The following PLD5 variants were observed in gnomAD, a reference collection of about 807,000 sequenced individuals.
PLD5 encodes inactive phospholipase D5.
PLD5 carries 36 observed loss-of-function variants against 61.1 expected under a neutral mutation model. The ratio of observed to expected loss-of-function variants is 0.59; its 90% confidence interval spans 0.45 to 0.78. The LOEUF (loss-of-function observed/expected upper bound fraction) is 0.78. Ranked by LOEUF, PLD5 falls within the 30% of genes least tolerant of loss-of-function variation. The pLI is 0.00. For missense variants in PLD5, 515 were observed against 644.4 expected (o/e 0.80, Z 2.17); for synonymous variants, 243 against 242.8 (o/e 1.00, Z -0.01).
intron 1 of PLD5, among the ~76,000 whole-genome samples, chr1:242,491,226 C>A (rs1668139984): frequency 6.6e-6 from 1 of 152,164 alleles, no homozygotes; most frequent in Non-Finnish European, 1.5e-5. Context: ...CCTTTCGAGT[C>A]CACATTCACT....
rs546597377 is a variant in PLD5, at chr1:242,256,465, G to A, written c.607+8872C>T. On this transcript the variant is annotated intron_variant, in intron 4 of 9. Transcript: ENST00000536534. The surrounding 1 kb of genome is among the most constrained non-coding windows in gnomAD (Gnocchi z 5.7). ...GGTCTTTGGAAAGTGACTGAGTCACGAATGTATTGGTGTCTTGTAGCGGGG... is the reference window on the plus strand; with the variant it reads ...GGTCTTTGGAAAGTGACTGAGTCACAAATGTATTGGTGTCTTGTAGCGGGG... 1.6e-4 allele frequency among the ~76,000 whole-genome samples: 25 copies of A among 152,320 alleles called. 1 individual carries two copies. Among genetic ancestry groups the A allele is most frequent in the Middle Eastern group, 3.4e-3 (1 of 294 alleles).
At chr1:242,230,442 TTTATC>T in intron 4 of PLD5, among the ~76,000 whole-genome samples, 1 of 152,306 alleles carries the variant, frequency 6.6e-6, no homozygotes, top group Non-Finnish European at 1.5e-5. Flanking sequence ...GCAGCAGAAA[TTTATC>T]TTATCCATCA....
intron 1 of PLD5, among the ~76,000 whole-genome samples, chr1:242,405,328 CTG>C (rs1168335230): frequency 6.6e-6 from 1 of 152,144 alleles, no homozygotes; most frequent in Non-Finnish European, 1.5e-5. Context: ...TTGGCAATGT[CTG>C]AGGCATTTCT....
intron 2 of PLD5, among the ~76,000 whole-genome samples, chr1:242,311,941 AAATG>A (rs1676721178): frequency 3.3e-5 from 5 of 151,142 alleles, no homozygotes; most frequent in Non-Finnish European, 7.4e-5. Context: ...CAATGATTTT[AAATG>A]ACCTTTTTCA....
chr1:242,107,883 T>C (rs1285427389), intron 7 of PLD5, 44 bp from the exon 8 acceptor site: 3 of 1,519,082 alleles, frequency 2.0e-6, no homozygotes, highest in South Asian at 2.6e-5. Flanking sequence ...CTAAGTTAGT[T>C]TGGGAAAAGA....
At chr1:242,139,250 T>A (rs908908312) in intron 5 of PLD5, among the ~76,000 whole-genome samples, 4 of 152,168 alleles carry the variant, frequency 2.6e-5, no homozygotes, top group African/African-American at 9.7e-5. Context: ...TGTTTTCAGT[T>A]AGGTTTTTTT....
At chr1:242,197,886 G>C (rs188876964) in intron 5 of PLD5, among the ~76,000 whole-genome samples, 1 of 151,826 alleles carries the variant, frequency 6.6e-6, no homozygotes, top group Non-Finnish European at 1.5e-5. Context: ...TGCCCACCTC[G>C]GTCTCCCAAA....
At chr1:242,356,497 A>AG (rs1238030114) in intron 1 of PLD5, among the ~76,000 whole-genome samples, 2 of 151,912 alleles carry the variant, frequency 1.3e-5, no homozygotes, top group Non-Finnish European at 2.9e-5. Flanking sequence ...CTTGGGTCTC[A>AG]TTTTTTTAGT....
At chr1:242,426,637 T>C (rs1665444418) in intron 1 of PLD5, among the ~76,000 whole-genome samples, 1 of 152,248 alleles carries the variant, frequency 6.6e-6, no homozygotes, top group Non-Finnish European at 1.5e-5. Context: ...AACATTGTTA[T>C]GTGGGGTATG....
chr1:242,320,723 C>T (rs1204218980), intron 2 of PLD5, among the ~76,000 whole-genome samples: 1 of 152,160 alleles, frequency 6.6e-6, no homozygotes, highest in Admixed American at 6.5e-5. Flanking sequence ...TAGCATCAAC[C>T]TCGGTGACCA....
intron 4 of PLD5, among the ~76,000 whole-genome samples, chr1:242,238,318 G>A (rs1265169721): frequency 1.3e-5 from 2 of 152,196 alleles, no homozygotes; most frequent in Non-Finnish European, 2.9e-5. Context: ...TCTGTGGCAT[G>A]AAACACCTGC....
At chr1:242,435,564 G>A (rs1256854857) in intron 1 of PLD5, among the ~76,000 whole-genome samples, 1 of 152,138 alleles carries the variant, frequency 6.6e-6, no homozygotes, top group Non-Finnish European at 1.5e-5. Context: ...ACTGTTGGCT[G>A]TGAGTTCAGT....
chr1:242,268,642 G>A (rs1211931105), intron 3 of PLD5, among the ~76,000 whole-genome samples: 4 of 152,116 alleles, frequency 2.6e-5, no homozygotes, highest in Non-Finnish European at 4.4e-5. Context: ...TCACTGTAAC[G>A]ATCTTGGGCT....
chr1:242,393,191 G>A (rs1032560468), intron 1 of PLD5, among the ~76,000 whole-genome samples: 9 of 136,038 alleles, frequency 6.6e-5, no homozygotes, highest in African/African-American at 8.7e-5. Context: ...ATAAGACGAC[G>A]ACTCCGTCTC....
At chr1:242,140,013 C>T (rs549678957) in intron 5 of PLD5, among the ~76,000 whole-genome samples, 16 of 152,328 alleles carry the variant, frequency 1.1e-4, no homozygotes, top group African/African-American at 3.6e-4. Flanking sequence ...TGGGTCTTTT[C>T]TCGCCTTCCT....
chr1:242,514,574 C>T (rs142372421), intron 1 of PLD5, among the ~76,000 whole-genome samples: 103 of 151,690 alleles, frequency 6.8e-4, no homozygotes, highest in African/African-American at 2.3e-3. Flanking sequence ...CACATGTACC[C>T]GCCCAAGACC....
chr1:242,238,477 G>C (rs1425332115), intron 4 of PLD5, among the ~76,000 whole-genome samples: 5 of 152,172 alleles, frequency 3.3e-5, no homozygotes, highest in African/African-American at 9.7e-5. Flanking sequence ...TCCTTAGAGA[G>C]TGACAAACAC....
At chr1:242,347,096 A>C (rs1369759706) in intron 2 of PLD5, among the ~76,000 whole-genome samples, 1 of 152,198 alleles carries the variant, frequency 6.6e-6, no homozygotes, top group East Asian at 1.9e-4. Context: ...TGTATGTAAT[A>C]CCTGTTGCCT....
chr1:242,200,416 G>T lies in PLD5; in HGVS notation c.735+19572C>A, dbSNP rs111455159. Reference sequence around the variant, plus strand: ...ATCTTCAATAAGGCCCTAGGAGTCTGCTCCGATGAGTAAAAGGCAGTAGCT... The same window carrying T: ...ATCTTCAATAAGGCCCTAGGAGTCTTCTCCGATGAGTAAAAGGCAGTAGCT... On this transcript the variant is annotated intron_variant, in intron 5 of 9. Coordinates refer to ENST00000536534, the MANE Select transcript of PLD5 (RefSeq NM_001372062.1). Among the ~76,000 whole-genome samples the T allele has an allele frequency of 1.7e-3, 255 of 152,278 alleles. 2 individuals carry two copies. Among genetic ancestry groups the T allele is most frequent in the African/African-American group, 5.7e-3 (236 of 41,558 alleles).
Sources: allele counts gnomAD v4.1 joint callset (sites outside exome capture counted in the v4.1 genomes callset), GRCh38; gene constraint gnomAD v4.1.1; non-coding constraint Gnocchi (gnomAD v3.1); transcripts MANE v1.5; gene names NCBI Gene and HGNC (gene_info 2026-07-23, HGNC 2026-07-21).